Variants in REV3L observed in about 807,000 individuals in gnomAD.
REV3L encodes the protein DNA polymerase zeta catalytic subunit.
In REV3L, 69 loss-of-function variants were observed where a neutral mutation model predicts 299.4. The ratio of observed to expected loss-of-function variants is 0.23; its 90% CI spans 0.19 to 0.28. The LOEUF is 0.28. Ranked by LOEUF, REV3L falls within the 10% of genes least tolerant of loss-of-function variation. The pLI is 1.00. For missense variants in REV3L, 3,128 were observed against 3,693.8 expected, an observed-to-expected ratio of 0.85 and a Z score of 3.97; for synonymous variants, 1,238 against 1,271.4, an observed-to-expected ratio of 0.97 and a Z score of 0.56.
intron 9 of REV3L, among the ~76,000 whole-genome samples, chr6:111,385,933 T>C (rs369518160): frequency 6.6e-6 from 1 of 152,346 alleles, no homozygotes; most frequent in East Asian, 1.9e-4. Context: ...ATTTTTTACA[T>C]CTATTATTTT....
At chr6:111,449,462 A>G (rs1200468309) in intron 1 of REV3L, among the ~76,000 whole-genome samples, 1 of 152,216 alleles carries the variant, frequency 6.6e-6, no homozygotes, top group African/African-American at 2.4e-5. Flanking sequence ...AAGTATCAGC[A>G]CGTGCTTTGT....
chr6:111,331,349 T>G lies in REV3L; in HGVS notation c.8034+327A>C, dbSNP rs542470566. ...ACAATTTAAATCTTTGTAGGTAATA[T>G]ATTTTGACCATTAAGTTGCCATTTA... On this transcript the variant is annotated intron_variant, in intron 24 of 31. Coordinates refer to ENST00000368802, the MANE Select transcript of REV3L (RefSeq NM_001372078.1). 8.5e-5 allele frequency among the ~76,000 whole-genome samples: 13 copies of G among 152,208 alleles called. No homozygotes were observed. In the South Asian group the frequency reaches 2.3e-3, roughly 27 times the overall value.
intron 1 of REV3L, among the ~76,000 whole-genome samples, chr6:111,478,362 A>C (rs1272075221): frequency 6.6e-6 from 1 of 152,188 alleles, no homozygotes; most frequent in East Asian, 1.9e-4. Flanking sequence ...AGCTAAAACA[A>C]CTTGCTACTC....
At chr6:111,417,051 A>C (rs1784849197) in intron 1 of REV3L, among the ~76,000 whole-genome samples, 1 of 152,082 alleles carries the variant, frequency 6.6e-6, no homozygotes, top group African/African-American at 2.4e-5. Flanking sequence ...CAAAATCTCT[A>C]CAGATCAATT....
Position 111,373,333 on chromosome 6 carries a change from A to G in REV3L, c.5022T>C (p.Pro1674=). The G allele has an allele frequency of 1.9e-6, 3 of 1,613,974 alleles. No homozygotes were observed. The highest frequency in any genetic ancestry group is 1.7e-6 in the Non-Finnish European group (2 of 1,179,958). Residue 1674 remains proline (P), a synonymous_variant, in exon 13 of 32, where the codon CCT becomes CCC. Transcript: ENST00000368802. The stretch of plus-strand genomic sequence containing the variant: ...GAACAGCATCACTTAGGAACTTCTG[A>G]GGCAAATTCTGATCAGCTGGGACAA... ...SQFVPADQNL[P]QKFLSDAVQD...
intron 16 of REV3L, chr6:111,361,524 T>C (rs1778678077): frequency 6.6e-6 from 1 of 152,070 alleles, no homozygotes; most frequent in Non-Finnish European, 1.5e-5. Context: ...TGATTTTTGT[T>C]TACTAGATCA....
chr6:111,422,575 TAC>T (rs71798675), intron 1 of REV3L, among the ~76,000 whole-genome samples: 32,853 of 83,368 alleles, frequency 0.39, 9,832 homozygotes, highest in Middle Eastern at 0.52. Flanking sequence ...TATATATATA[TAC>T]ACATATATAT....
At chr6:111,356,883 ACT>A (rs1778146730) in intron 18 of REV3L, 129 bp downstream of exon 18, 1 of 421,818 alleles carries the variant, frequency 2.4e-6, no homozygotes, top group Admixed American at 4.0e-5. Flanking sequence ...CCCAAGAGTA[ACT>A]CTGCTTTCAA....
In REV3L at chr6:111,416,368, T is replaced by C. The variant is rs61756666; in HGVS notation, c.244A>G (p.Ser82Gly). The C allele has an allele frequency of 3.1e-6, 5 of 1,613,922 alleles. No homozygotes were observed. The highest frequency in any genetic ancestry group is 4.2e-6 in the Non-Finnish European group (5 of 1,179,828). The change falls in exon 2 of 32, where the codon AGT (serine) becomes GGT (glycine). Residue 82 changes from serine to glycine, a missense_variant. Coordinates refer to ENST00000368802, the MANE Select transcript of REV3L (RefSeq NM_001372078.1). ...GCCACATTAAGTGCTCTGTCGATAC[T>C]GAATGCCATCTGAGAAAGATAGCTT... ...PESYLSQMAF[S>G]IDRALNVALG...
chr6:111,420,141 G>A (rs931234311), intron 1 of REV3L, among the ~76,000 whole-genome samples: 13 of 152,096 alleles, frequency 8.5e-5, no homozygotes, highest in Middle Eastern at 3.2e-3. Context: ...CACCGCGCCC[G>A]GCCATTTTGG....
intron 31 of REV3L, 53 bp from the exon 32 acceptor site, chr6:111,300,209 T>C (rs770892409): frequency 1.6e-4 from 227 of 1,437,464 alleles, no homozygotes; most frequent in Middle Eastern, 3.6e-4. Flanking sequence ...TATGCGTGTA[T>C]GCAAACAACA....
chr6:111,379,915 ATAAT>A, intron 11 of REV3L, 63 bp downstream of exon 11: 1 of 948,724 alleles, frequency 1.1e-6, no homozygotes. Flanking sequence ...ATAGTAATAA[ATAAT>A]TTCTGATTGA....
chr6:111,304,415 A>G (rs1019550389), intron 31 of REV3L, among the ~76,000 whole-genome samples: 10 of 149,176 alleles, frequency 6.7e-5, no homozygotes, highest in African/African-American at 2.2e-4. Flanking sequence ...TTGGTCTTGG[A>G]TTGAGAATGA....
At chr6:111,447,567 G>C (rs1479947202) in intron 1 of REV3L, among the ~76,000 whole-genome samples, 1 of 152,158 alleles carries the variant, frequency 6.6e-6, no homozygotes, top group Non-Finnish European at 1.5e-5. Context: ...GTCAGGGGTT[G>C]GCATAAGGTA....
chr6:111,389,021 A>C, intron 7 of REV3L, 85 bp downstream of exon 7: 1 of 970,620 alleles, frequency 1.0e-6, no homozygotes, highest in Non-Finnish European at 1.6e-6. Context: ...AGTAAAATCT[A>C]ATGTCAAAGG....
At chr6:111,306,355 TATGGGTCGAGGTAGA>T (rs1772294768) in intron 31 of REV3L, among the ~76,000 whole-genome samples, 1 of 151,844 alleles carries the variant, frequency 6.6e-6, no homozygotes, top group African/African-American at 2.4e-5. Flanking sequence ...TTCAATATGG[TATGGGTCGAGGTAGA>T]GTGTGACAGA....
chr6:111,431,110 T>G (rs2128298891), intron 1 of REV3L: 1 of 1,508,102 alleles, frequency 6.6e-7, no homozygotes, highest in East Asian at 2.3e-5. Context: ...TGATTTAATC[T>G]ATTCAACCTA....
At position 111,373,396 on chromosome 6, in the gene REV3L, A is replaced by C; in HGVS notation, c.4959T>G (p.Gly1653=). The change falls in exon 13 of 32, where the codon GGT becomes GGG. Residue 1653 remains glycine, a synonymous_variant. Coordinates refer to ENST00000368802, the MANE Select transcript of REV3L (RefSeq NM_001372078.1). ...HNYNFDINTI[G]QTGFCSFYSG... is the part of the protein sequence containing the mutation. ...AATAAAAGCTACAAAATCCAGTCTG[A>C]CCTATTGTGTTAATATCAAAATTAT... 6.2e-7 allele frequency: 1 copy of C among 1,613,716 alleles called. No individual in the cohort carries two copies. Among genetic ancestry groups the C allele is most frequent in the Non-Finnish European group, 8.5e-7 (1 of 1,179,902 alleles).
At chr6:111,335,413 CA>C in intron 22 of REV3L, 55 bp downstream of exon 22, 1 of 1,541,498 alleles carries the variant, frequency 6.5e-7, no homozygotes, top group Non-Finnish European at 8.7e-7. Context: ...TCAAACATCA[CA>C]AAAGTGTATC....
Sources: gnomAD v4.1 joint callset for allele counts (sites outside exome capture counted in the v4.1 genomes callset) on GRCh38, gnomAD v4.1.1 for gene constraint, MANE v1.5 for transcripts, NCBI Gene and HGNC (gene_info 2026-07-23, HGNC 2026-07-21) for gene names.